Variants in MCF2L2 observed in about 807,000 individuals in gnomAD.
MCF2L2 encodes the protein MCF.2 cell line derived transforming sequence-like 2.
A neutral mutation model predicts 150.2 loss-of-function variants in MCF2L2; 102 were observed. The observed-to-expected ratio is 0.68, with a 90% CI of 0.58 to 0.80. The LOEUF (loss-of-function observed/expected upper bound fraction) is 0.80, where lower values mean the gene tolerates loss of function less well. MCF2L2 is among the 30% of genes least tolerant of loss of function. The pLI, the probability that MCF2L2 is intolerant of heterozygous loss-of-function variation, is 0.00. For missense variants in MCF2L2, 1,256 were observed against 1,372.8 expected (o/e 0.91, Z 1.34); for synonymous variants, 465 against 491.3 (o/e 0.95, Z 0.71).
At position 183,181,542 on chromosome 3, in the gene MCF2L2, T is replaced by C. The variant is rs542662906; in HGVS notation, c.3017-1383A>G. On this transcript the variant is annotated intron_variant, in intron 27 of 29. Coordinates refer to ENST00000328913, the MANE Select transcript of MCF2L2 (RefSeq NM_015078.4). This position sits in a 1 kb window ranked among gnomAD's most constrained non-coding sequence, Gnocchi z 4.3. ...ATCCTCCAGACAGGACTTGGGAGCA[T>C]CTAAGGAAACCCAAGACTCCTCTTT... Among the ~76,000 whole-genome samples, 1 of 152,096 alleles carries C rather than the reference T, an allele frequency of 6.6e-6. No homozygotes were observed. The highest frequency in any genetic ancestry group is 2.1e-4 in the South Asian group (1 of 4,834).
At chr3:183,218,105 C>T (rs1363563373) in intron 21 of MCF2L2, among the ~76,000 whole-genome samples, 1 of 152,206 alleles carries the variant, frequency 6.6e-6, no homozygotes, top group African/African-American at 2.4e-5. Context: ...TTGTCCTCTA[C>T]AGCACAATGT....
intron 3 of MCF2L2, among the ~76,000 whole-genome samples, chr3:183,346,156 A>G (rs1365179544): frequency 2.0e-5 from 3 of 152,338 alleles, no homozygotes; most frequent in South Asian, 4.1e-4. Flanking sequence ...ATGAACATCA[A>G]TGCGAAAATC....
chr3:183,400,274 G>C (rs371508170), intron 1 of MCF2L2: 1 of 301,408 alleles, frequency 3.3e-6, no homozygotes, highest in Non-Finnish European at 6.7e-6. Flanking sequence ...AAATTTCTTC[G>C]CTTTAAATCA....
chr3:183,428,043 A>AT lies in MCF2L2; in HGVS notation c.-67dup. On this transcript the variant is annotated 5_prime_UTR_variant, in exon 1 of 30. An upstream open reading frame in the 5' UTR loses its in-frame stop. Coordinates refer to ENST00000328913, the MANE Select transcript of MCF2L2 (RefSeq NM_015078.4). The surrounding 1 kb of genome is among the most constrained non-coding windows in gnomAD (Gnocchi z 5.1). ...ACTGTTTCTACCGCTGCGGTGGATG[A>AT]TTTTTTAAAGGCATCTCCGCCCAAG... is the stretch of plus-strand genomic sequence containing the variant. 1.6e-6 allele frequency: 2 copies of AT among 1,288,590 alleles called. No homozygotes were observed. Among genetic ancestry groups the AT allele is most frequent in the Non-Finnish European group, 2.3e-6 (2 of 885,260 alleles). 79.8% of individuals were successfully genotyped at this position (1,288,590 alleles called of 1,614,324 possible).
Position 183,207,824 on chromosome 3 carries a change from C to G in MCF2L2, c.2497-1G>C. ...GCTTGCCTAGTTTTCCAATATCGTC[C>G]TTTTGGAAACACACATACAGGAAAA... On this transcript the variant is annotated splice_acceptor_variant, in intron 22 of 29. Coordinates refer to ENST00000328913, the MANE Select transcript of MCF2L2 (RefSeq NM_015078.4). LOFTEE classifies it high-confidence loss of function. 1 of 1,610,452 alleles carries G rather than the reference C, an allele frequency of 6.2e-7. No homozygotes were observed. Among genetic ancestry groups the G allele is most frequent in the Non-Finnish European group, 8.5e-7 (1 of 1,176,778 alleles).
Position 183,428,184 on chromosome 3 carries a change from T to C in MCF2L2, c.-207A>G. The C allele has an allele frequency of 1.8e-6, 1 of 540,978 alleles. No homozygotes were observed. Among genetic ancestry groups the C allele is most frequent in the Non-Finnish European group, 3.2e-6 (1 of 308,986 alleles). The allele number at this position is 540,978 out of a possible 1,614,324, so 33.5% of individuals were successfully genotyped here. On this transcript the variant is annotated 5_prime_UTR_variant, in exon 1 of 30. Coordinates refer to ENST00000328913, the MANE Select transcript of MCF2L2 (RefSeq NM_015078.4). The surrounding 1 kb of genome is among the most constrained non-coding windows in gnomAD (Gnocchi z 5.1). ...GGGGGCTCCCGTGACAGACCAAGTC[T>C]GGCGCTTTCCCAGCGTCGCAGCTGG...
At chr3:183,265,834 T>C (rs1026069345) in intron 15 of MCF2L2, 3 of 152,244 alleles carry the variant, frequency 2.0e-5, no homozygotes, top group African/African-American at 7.2e-5. Flanking sequence ...GGTTGTGATT[T>C]ATGTAAATGG....
intron 2 of MCF2L2, among the ~76,000 whole-genome samples, chr3:183,385,073 A>C (rs529405672): frequency 6.6e-6 from 1 of 152,354 alleles, no homozygotes; most frequent in South Asian, 2.1e-4. Flanking sequence ...TATAAAACAC[A>C]AACTAGATTT....
At chr3:183,288,348 A>G (rs1727911022) in intron 14 of MCF2L2, among the ~76,000 whole-genome samples, 1 of 152,134 alleles carries the variant, frequency 6.6e-6, no homozygotes, top group African/African-American at 2.4e-5. Context: ...CCCTTTCTCC[A>G]AACCTCATCC....
intron 20 of MCF2L2, 63 bp from the exon 21 acceptor site, chr3:183,219,987 T>C (rs571429649): frequency 1.7e-6 from 2 of 1,199,112 alleles, no homozygotes; most frequent in African/African-American, 1.5e-5. Context: ...ATGTAGATTG[T>C]CAACAAAATC....
rs781726415 is a variant in MCF2L2, at chr3:183,309,763, C to T, written c.1066G>A (p.Val356Met). The change falls in exon 10 of 30, where the codon GTG (valine) becomes ATG (methionine). Residue 356 changes from valine (V) to methionine (M), a missense_variant. Coordinates refer to ENST00000328913, the MANE Select transcript of MCF2L2 (RefSeq NM_015078.4). Reference protein sequence around the residue: ...FTGIGDSVMHVEQILKEHKKL... With the variant: ...FTGIGDSVMHMEQILKEHKKL... ...TTGTGTTCCTTAAGAATCTGCTCCA[C>T]GTGCATCACGCTGTCTCCAATGCCT... 6.6e-5 allele frequency: 107 copies of T among 1,613,968 alleles called. No homozygotes were observed. Among genetic ancestry groups the T allele is most frequent in the Non-Finnish European group, 8.2e-5 (97 of 1,179,996 alleles).
chr3:183,319,444 C>T (rs1303080417), intron 6 of MCF2L2, among the ~76,000 whole-genome samples: 1 of 152,230 alleles, frequency 6.6e-6, no homozygotes, highest in African/African-American at 2.4e-5. Context: ...TTTTGACTTC[C>T]TCCCATGAAT....
intron 15 of MCF2L2, among the ~76,000 whole-genome samples, chr3:183,232,307 C>T (rs1046549399): frequency 1.3e-5 from 2 of 152,178 alleles, no homozygotes; most frequent in Non-Finnish European, 2.9e-5. Context: ...CAGAGCTCCA[C>T]ATGAAAACAC....
At position 183,411,686 on chromosome 3, in the gene MCF2L2, G is replaced by A. The variant is rs2108622684; in HGVS notation, c.76+16216C>T. On this transcript the variant is annotated intron_variant, in intron 1 of 29. Transcript: ENST00000328913. ...CAAAGGATGGCCTGTAGCCATAGCT[G>A]AGAAGTACAGGAAGCCCTGATAAGA... Among the ~76,000 whole-genome samples, 4 of 151,624 alleles carry A rather than the reference G, an allele frequency of 2.6e-5. No individual in the cohort carries two copies. In the Middle Eastern group the frequency reaches 0.01, roughly 387 times the overall value.
At chr3:183,395,934 A>AG (rs1224926263) in intron 1 of MCF2L2, among the ~76,000 whole-genome samples, 3 of 115,946 alleles carry the variant, frequency 2.6e-5, no homozygotes, top group Non-Finnish European at 6.0e-5. Context: ...AAAAAAAAAA[A>AG]AAAAGAAAGA....
At chr3:183,410,155 CT>C (rs1295945961) in intron 1 of MCF2L2, among the ~76,000 whole-genome samples, 8 of 152,174 alleles carry the variant, frequency 5.3e-5, no homozygotes, top group Admixed American at 5.2e-4. Context: ...TAGCTTTCCC[CT>C]CTCCATCTAT....
chr3:183,230,967 ATC>A lies in MCF2L2; in HGVS notation c.1911_1912del (p.Glu637AspfsTer2). On this transcript the variant is annotated frameshift_variant, in exon 16 of 30. Coordinates refer to ENST00000328913, the MANE Select transcript of MCF2L2 (RefSeq NM_015078.4). LOFTEE classifies it high-confidence loss of function. ...TCTACTTACATCAATTATGCTTTTA[ATC>A]TCTTTTATGTAAATCTCTTCAGTCT... 1.2e-6 allele frequency: 2 copies of A among 1,613,626 alleles called. No homozygotes were observed. The highest frequency in any genetic ancestry group is 8.5e-7 in the Non-Finnish European group (1 of 1,179,616).
At chr3:183,198,994 T>C (rs978945605) in intron 25 of MCF2L2, among the ~76,000 whole-genome samples, 2 of 152,226 alleles carry the variant, frequency 1.3e-5, no homozygotes, top group Non-Finnish European at 2.9e-5. Context: ...ATCTTATCTG[T>C]ATACAAAGTA....
Position 183,210,315 on chromosome 3 carries a change from T to C in MCF2L2, c.2497-2492A>G, listed in dbSNP as rs190948773. Among the ~76,000 whole-genome samples the C allele has an allele frequency of 1.4e-3, 220 of 152,176 alleles. 2 individuals carry two copies. Among genetic ancestry groups the C allele is most frequent in the Middle Eastern group, 3.4e-3 (1 of 294 alleles). On this transcript the variant is annotated intron_variant, in intron 22 of 29. Coordinates refer to ENST00000328913, the MANE Select transcript of MCF2L2 (RefSeq NM_015078.4). ...AAGATAAAAGAAAAGATGAAGAGGT[T>C]ATATGTAAAATGCATATAATAAAGC...
Sources: allele counts gnomAD v4.1 joint callset (sites outside exome capture counted in the v4.1 genomes callset), GRCh38; gene constraint gnomAD v4.1.1; non-coding constraint Gnocchi (gnomAD v3.1); transcripts MANE v1.5; gene names NCBI Gene and HGNC (gene_info 2026-07-23, HGNC 2026-07-21).